ELP4: variants seen among roughly 807,000 people sequenced by gnomAD.
ELP4 encodes elongator complex protein 4.
ELP4 carries 51 observed loss-of-function variants against 48.9 expected under a neutral mutation model. The ratio of observed to expected loss-of-function variants is 1.04; its 90% CI spans 0.83 to 1.32. ELP4 has a LOEUF of 1.32. Ranked by LOEUF, ELP4 falls within the 40% of genes most tolerant of loss-of-function variation. The pLI, the probability that ELP4 is intolerant of heterozygous loss-of-function variation, is 0.00. For missense variants in ELP4, 519 were observed against 514.6 expected (o/e 1.01, Z -0.08); for synonymous variants, 210 against 189.2 (o/e 1.11, Z -0.90).
chr11:31,530,465 T>C (rs1348216501), intron 2 of ELP4, among the ~76,000 whole-genome samples: 3 of 152,046 alleles, frequency 2.0e-5, no homozygotes, highest in Admixed American at 1.3e-4. Flanking sequence ...AGTAGTTTCA[T>C]GAAGAAAGTT....
intron 2 of ELP4, among the ~76,000 whole-genome samples, chr11:31,527,277 G>A (rs1349119959): frequency 1.3e-5 from 2 of 151,984 alleles, no homozygotes; most frequent in African/African-American, 4.8e-5. Context: ...TCTCCTGAAA[G>A]GTCTCAGTCC....
Position 31,534,162 on chromosome 11 carries a change from C to G in ELP4, c.260-5500C>G, listed in dbSNP as rs1025553151. On this transcript the variant is annotated intron_variant, in intron 2 of 9. Coordinates refer to ENST00000640961, the MANE Select transcript of ELP4 (RefSeq NM_019040.5). ...GTTAAGAGTTGTTAGTAGTATGACTCGTGGAATGACATTAGCATGGAGGAA... is the reference window on the plus strand; with the variant it reads ...GTTAAGAGTTGTTAGTAGTATGACTGGTGGAATGACATTAGCATGGAGGAA... Among the ~76,000 whole-genome samples, 11 of 151,968 alleles carry G rather than the reference C, an allele frequency of 7.2e-5. No individual in the cohort carries two copies. The South Asian group carries it at 8.3e-4, about 11-fold the overall frequency.
intron 9 of ELP4, among the ~76,000 whole-genome samples, chr11:31,670,146 C>G (rs1367464268): frequency 6.6e-6 from 1 of 152,062 alleles, no homozygotes; most frequent in Non-Finnish European, 1.5e-5. Flanking sequence ...AATTTAAATG[C>G]ATTTTTTAGC....
At chr11:31,579,976 A>T (rs1330948164) in intron 3 of ELP4, among the ~76,000 whole-genome samples, 1 of 152,164 alleles carries the variant, frequency 6.6e-6, no homozygotes, top group Non-Finnish European at 1.5e-5. Flanking sequence ...AGAAAAAAAA[A>T]GTCATGTGCT....
chr11:31,545,974 G>C lies in ELP4; in HGVS notation c.381+6191G>C, dbSNP rs561574857. Among the ~76,000 whole-genome samples the C allele has an allele frequency of 3.3e-5, 5 of 152,152 alleles. No homozygotes were observed. The South Asian group carries it at 6.2e-4, about 19-fold the overall frequency. On this transcript the variant is annotated intron_variant, in intron 3 of 9. Transcript: ENST00000640961. ...CCACCAGGCCTGCCCTAAAAGAGCT[G>C]CTGAAGGAAGCACTAAACATGGAAA... is the stretch of plus-strand genomic sequence containing the variant.
chr11:31,710,776 G>A (rs1174530310), intron 9 of ELP4, among the ~76,000 whole-genome samples: 5 of 152,080 alleles, frequency 3.3e-5, no homozygotes, highest in East Asian at 1.9e-4. Flanking sequence ...GACACAGAGA[G>A]CGACATAATC....
chr11:31,621,589 C>A (rs1198018007), intron 5 of ELP4, among the ~76,000 whole-genome samples: 1 of 151,890 alleles, frequency 6.6e-6, no homozygotes, highest in African/African-American at 2.4e-5. Flanking sequence ...AGATCTTAAA[C>A]CTACATTCCA....
chr11:31,747,453 G>A (rs1296191065), intron 9 of ELP4, among the ~76,000 whole-genome samples: 1 of 152,136 alleles, frequency 6.6e-6, no homozygotes, highest in Non-Finnish European at 1.5e-5. Context: ...TTACATAAAA[G>A]AAGGTAAATT....
At position 31,784,969 on chromosome 11, in the gene ELP4, T is replaced by C. The variant is rs929667412; in HGVS notation, c.*1445T>C. The stretch of plus-strand genomic sequence containing the variant: ...TTAGTACTAAAAATCAGGTTTCTTA[T>C]TCTATTTTTTTAGAATGTCGGGTTT... On this transcript the variant is annotated 3_prime_UTR_variant, in exon 10 of 10. Coordinates refer to ENST00000640961, the MANE Select transcript of ELP4 (RefSeq NM_019040.5). 5.5e-6 allele frequency: 1 copy of C among 180,414 alleles called. No homozygotes were observed. The highest frequency in any genetic ancestry group is 1.2e-5 in the Non-Finnish European group (1 of 84,380). 11.2% of individuals were successfully genotyped at this position (180,414 alleles called of 1,614,324 possible).
chr11:31,538,216 A>G (rs1235124334), intron 2 of ELP4, among the ~76,000 whole-genome samples: 1 of 150,012 alleles, frequency 6.7e-6, no homozygotes, highest in East Asian at 1.9e-4. Context: ...ATAATTCTTT[A>G]AATACTTAAA....
At chr11:31,564,976 A>G (rs904174080) in intron 3 of ELP4, among the ~76,000 whole-genome samples, 1 of 152,212 alleles carries the variant, frequency 6.6e-6, no homozygotes, top group Non-Finnish European at 1.5e-5. Context: ...TGGTTGAACT[A>G]GTTTACAGTC....
intron 9 of ELP4, among the ~76,000 whole-genome samples, chr11:31,771,733 A>G (rs993945529): frequency 6.6e-6 from 1 of 152,160 alleles, no homozygotes; most frequent in Non-Finnish European, 1.5e-5. Flanking sequence ...TAATCCCAGC[A>G]CTTTGGGAGG....
chr11:31,673,924 G>A (rs1945861909), intron 9 of ELP4, among the ~76,000 whole-genome samples: 1 of 152,146 alleles, frequency 6.6e-6, no homozygotes, highest in Admixed American at 6.5e-5. Flanking sequence ...GTATTTCTTA[G>A]AAGGGCTATT....
chr11:31,618,625 G>A (rs1035657499), intron 5 of ELP4, among the ~76,000 whole-genome samples: 2 of 152,134 alleles, frequency 1.3e-5, no homozygotes, highest in African/African-American at 2.4e-5. Context: ...TCAAACCATA[G>A]TACCCTTCAT....
chr11:31,689,904 A>T (rs1946240555), intron 9 of ELP4, among the ~76,000 whole-genome samples: 1 of 152,150 alleles, frequency 6.6e-6, no homozygotes, highest in South Asian at 2.1e-4. Flanking sequence ...TGCTCTGCTA[A>T]TGGAAACCTG....
intron 9 of ELP4, among the ~76,000 whole-genome samples, chr11:31,692,208 A>G (rs1206680507): frequency 2.0e-5 from 3 of 152,192 alleles, no homozygotes; most frequent in Admixed American, 1.3e-4. Context: ...GTGTTTTGAT[A>G]CTATGATCCT....
rs548920459 is a variant in ELP4, at chr11:31,575,530, C to A, written c.382-19240C>A. ...GAAATGAAGGAAAAAATGTTAAGGG[C>A]AGCCAGAGAGAAAGGTCGGGTTACC... On this transcript the variant is annotated intron_variant, in intron 3 of 9. Transcript: ENST00000640961. 2.6e-5 allele frequency among the ~76,000 whole-genome samples: 4 copies of A among 152,250 alleles called. No homozygotes were observed. The South Asian group carries it at 8.3e-4, about 32-fold the overall frequency.
At chr11:31,655,070 A>G (rs752000014) in intron 9 of ELP4, among the ~76,000 whole-genome samples, 28 of 152,016 alleles carry the variant, frequency 1.8e-4, no homozygotes, top group Admixed American at 8.5e-4. Context: ...ATCAGTTGTC[A>G]AAAATAAACC....
intron 9 of ELP4, among the ~76,000 whole-genome samples, chr11:31,769,187 A>G (rs1319239726): frequency 6.6e-6 from 1 of 152,128 alleles, no homozygotes; most frequent in East Asian, 1.9e-4. Context: ...TGGGAGATTT[A>G]ATGCTGCCAG....
Sources: gnomAD v4.1 joint callset for allele counts (sites outside exome capture counted in the v4.1 genomes callset) on GRCh38, gnomAD v4.1.1 for gene constraint, MANE v1.5 for transcripts, NCBI Gene and HGNC (gene_info 2026-07-23, HGNC 2026-07-21) for gene names.